EML6: variants seen among roughly 807,000 people sequenced by gnomAD.
EML6 encodes echinoderm microtubule-associated protein-like 6.
EML6 carries 154 observed loss-of-function variants against 240.1 expected under a neutral mutation model. The ratio of observed to expected loss-of-function variants is 0.64; its 90% confidence interval spans 0.56 to 0.73. The LOEUF is 0.73. Among genes scored for constraint, EML6 ranks in the 30% least tolerant of loss-of-function variants. The pLI, the probability that EML6 is intolerant of heterozygous loss-of-function variation, is 0.00. For missense variants in EML6, 2,964 were observed against 2,474.6 expected (o/e 1.20, Z -4.20); for synonymous variants, 1,148 against 899.0 (o/e 1.28, Z -4.95).
At chr2:54,871,636 T>C (rs1320678354) in intron 16 of EML6, 31 bp downstream of exon 16, 1 of 1,450,190 alleles carries the variant, frequency 6.9e-7, no homozygotes. Context: ...CACATGGTTC[T>C]ACGTTGAGAG....
chr2:54,949,080 C>G, intron 29 of EML6, 120 bp downstream of exon 29: 2 of 737,320 alleles, frequency 2.7e-6, no homozygotes, highest in Admixed American at 2.1e-5. Flanking sequence ...CTTGGGCTCT[C>G]TTTTGTCCCC....
chr2:54,915,607 C>G (rs1673869046), intron 25 of EML6, among the ~76,000 whole-genome samples: 2 of 151,994 alleles, frequency 1.3e-5, no homozygotes, highest in African/African-American at 4.8e-5. Context: ...TGTGTGCCTC[C>G]AAAAGAAACA....
chr2:54,914,401 C>G (rs1158348235), intron 25 of EML6, among the ~76,000 whole-genome samples: 1 of 152,064 alleles, frequency 6.6e-6, no homozygotes, highest in Non-Finnish European at 1.5e-5. Flanking sequence ...GGTTTTAGTG[C>G]CCCCAAATAA....
Position 54,959,117 on chromosome 2 carries a change from T to A in EML6, c.4709T>A (p.Phe1570Tyr), listed in dbSNP as rs1341188601. 10 of 1,550,770 alleles carry A rather than the reference T, an allele frequency of 6.4e-6. No homozygotes were observed. Among genetic ancestry groups the A allele is most frequent in the Non-Finnish European group, 8.7e-6 (10 of 1,146,706 alleles). Residue 1570 changes from phenylalanine to tyrosine, a missense_variant, in exon 34 of 42, where the codon TTC becomes TAC. Coordinates refer to ENST00000356458, the MANE Select transcript of EML6 (RefSeq NM_001039753.4). ...TTTTGTTTACAGAACAATCTCACTT[T>A]CACGGGTGCCATCAATGGAGATGTC... ...SVAFGANNLT[F>Y]TGAINGDVYV...
At chr2:54,864,058 A>G (rs1314364397) in intron 13 of EML6, among the ~76,000 whole-genome samples, 169 bp downstream of exon 13, 1 of 152,206 alleles carries the variant, frequency 6.6e-6, no homozygotes, top group Admixed American at 6.5e-5. Context: ...CGACGTGTTT[A>G]CCCAATCATA....
intron 16 of EML6, among the ~76,000 whole-genome samples, chr2:54,874,684 T>A (rs747561895): frequency 4.6e-5 from 7 of 152,204 alleles, no homozygotes; most frequent in Non-Finnish European, 1.0e-4. Context: ...AATGGTTACA[T>A]ACAGATGAAT....
chr2:54,809,441 G>T (rs951379807), intron 2 of EML6, among the ~76,000 whole-genome samples: 2 of 152,106 alleles, frequency 1.3e-5, no homozygotes, highest in African/African-American at 4.8e-5. Context: ...GGGATTCAGG[G>T]GACAGGGTTC....
chr2:54,918,080 A>G (rs1674026236), intron 26 of EML6, among the ~76,000 whole-genome samples: 1 of 152,260 alleles, frequency 6.6e-6, no homozygotes, highest in South Asian at 2.1e-4. Flanking sequence ...CCAAGCCTGT[A>G]CTTACACAAT....
At position 54,970,295 on chromosome 2, in the gene EML6, G is replaced by C; in HGVS notation, c.*200G>C. On this transcript the variant is annotated 3_prime_UTR_variant, in exon 42 of 42. Coordinates refer to ENST00000356458, the MANE Select transcript of EML6 (RefSeq NM_001039753.4). Reference sequence around the variant, plus strand: ...CCAAAACCGTGATGCCACGAAGGAAGGTCAAGTTTTAAAATGTTAAAGACT... The same window carrying C: ...CCAAAACCGTGATGCCACGAAGGAACGTCAAGTTTTAAAATGTTAAAGACT... 1 of 609,970 alleles carries C rather than the reference G, an allele frequency of 1.6e-6. No homozygotes were observed. The highest frequency in any genetic ancestry group is 1.9e-5 in the South Asian group (1 of 51,654). The allele number at this position is 609,970 out of a possible 1,614,324, so 37.8% of individuals were successfully genotyped here. A position where few individuals can be genotyped will look rare whatever the true frequency, so the allele number is the denominator to read the frequency against.
chr2:54,888,149 C>T (rs113058632), intron 17 of EML6, among the ~76,000 whole-genome samples: 1 of 152,172 alleles, frequency 6.6e-6, no homozygotes, highest in Non-Finnish European at 1.5e-5. Context: ...AAATATCTCT[C>T]TCGAGCTGGG....
In EML6 at chr2:54,898,032, A is replaced by T. The variant is rs61501540; in HGVS notation, c.2983-1609A>T. Among the ~76,000 whole-genome samples the T allele has an allele frequency of 3.4e-3, 513 of 152,168 alleles. 1 individual carries two copies. Among genetic ancestry groups the T allele is most frequent in the African/African-American group, 0.012 (495 of 41,504 alleles). On this transcript the variant is annotated intron_variant, in intron 21 of 41. Transcript: ENST00000356458. ...CAATCACAGTTGGAATAGACTGCTT[A>T]TTTTTTAAGAGAAAATAAGGTTGGG...
chr2:54,862,449 C>G (rs1051607193), intron 12 of EML6, among the ~76,000 whole-genome samples: 1 of 141,730 alleles, frequency 7.1e-6, no homozygotes, highest in East Asian at 2.0e-4. Flanking sequence ...AAGAAAGGAA[C>G]AGTGAACTTG....
Position 54,910,913 on chromosome 2 carries a change from T to G in EML6, c.3410-41T>G. 5 of 1,014,044 alleles carry G rather than the reference T, an allele frequency of 4.9e-6. No homozygotes were observed. In the East Asian group the frequency reaches 1.3e-4, roughly 27 times the overall value. 62.8% of individuals were successfully genotyped at this position (1,014,044 alleles called of 1,614,324 possible). A position where few individuals can be genotyped will look rare whatever the true frequency, so the allele number is the denominator to read the frequency against. On this transcript the variant is annotated intron_variant, in intron 24 of 41. Coordinates refer to ENST00000356458, the MANE Select transcript of EML6 (RefSeq NM_001039753.4). Reference sequence around the variant, plus strand: ...CTCATTTTATAATAAAGAGATAAAGTCAGATTTTAATTATCTCTCTACTTC... The same window carrying G: ...CTCATTTTATAATAAAGAGATAAAGGCAGATTTTAATTATCTCTCTACTTC...
At position 54,933,304 on chromosome 2, in the gene EML6, T is replaced by C. The variant is rs192455691; in HGVS notation, c.4004+4553T>C. 3.9e-3 allele frequency among the ~76,000 whole-genome samples: 587 copies of C among 152,300 alleles called. 4 individuals are homozygous for C. Among genetic ancestry groups the C allele is most frequent in the African/African-American group, 0.014 (563 of 41,550 alleles). The stretch of plus-strand genomic sequence containing the variant: ...GAAATAGTCACCTGCCACCATAGAC[T>C]AGCAATGTAATCACTTCACCTCTCT... On this transcript the variant is annotated intron_variant, in intron 28 of 41. Coordinates refer to ENST00000356458, the MANE Select transcript of EML6 (RefSeq NM_001039753.4).
chr2:54,864,960 T>C (rs967659794), intron 13 of EML6, among the ~76,000 whole-genome samples: 1 of 152,240 alleles, frequency 6.6e-6, no homozygotes, highest in Non-Finnish European at 1.5e-5. Context: ...ACACATTGTA[T>C]TATGCAATAT....
chr2:54,931,850 A>G (rs1674881310), intron 28 of EML6, among the ~76,000 whole-genome samples: 1 of 152,208 alleles, frequency 6.6e-6, no homozygotes, highest in Non-Finnish European at 1.5e-5. Flanking sequence ...CCTAAAAGCA[A>G]TTAGAAACCT....
At chr2:54,745,773 C>T (rs553490461) in intron 2 of EML6, among the ~76,000 whole-genome samples, 29 of 151,982 alleles carry the variant, frequency 1.9e-4, no homozygotes, top group African/African-American at 5.3e-4. Context: ...AGAGCAAGAC[C>T]CTATCTCAAA....
At chr2:54,798,856 T>C (rs983377334) in intron 2 of EML6, among the ~76,000 whole-genome samples, 1 of 152,234 alleles carries the variant, frequency 6.6e-6, no homozygotes, top group African/African-American at 2.4e-5. Context: ...TTGGTCTTCA[T>C]CATAAAGAGA....
chr2:54,969,206 G>A (rs1258894715), intron 41 of EML6, among the ~76,000 whole-genome samples: 1 of 152,168 alleles, frequency 6.6e-6, no homozygotes, highest in African/African-American at 2.4e-5. Context: ...ACTCTAAATA[G>A]AGTATAGAGG....
Sources: allele counts gnomAD v4.1 joint callset (sites outside exome capture counted in the v4.1 genomes callset), GRCh38; gene constraint gnomAD v4.1.1; transcripts MANE v1.5; gene names NCBI Gene and HGNC (gene_info 2026-07-23, HGNC 2026-07-21).